Variants in RC3H1 observed in about 807,000 individuals in gnomAD.
RC3H1 encodes the protein ring finger and CCCH-type domains 1, also known as roquin-1.
RC3H1 carries 50 observed loss-of-function variants against 138.2 expected under a neutral mutation model. That is an observed-to-expected ratio of 0.36 (90% CI 0.29 to 0.46). The LOEUF is 0.46. Among genes scored for constraint, RC3H1 ranks in the 20% least tolerant of loss-of-function variants. RC3H1 has a pLI of 1.00. For missense variants in RC3H1, 1,031 were observed against 1,388.1 expected, an observed-to-expected ratio of 0.74 and a Z score of 4.09; for synonymous variants, 462 against 489.1, an observed-to-expected ratio of 0.94 and a Z score of 0.73.
intron 1 of RC3H1, among the ~76,000 whole-genome samples, chr1:174,020,555 C>A (rs571645656): frequency 2.0e-5 from 3 of 152,092 alleles, no homozygotes; most frequent in African/African-American, 7.2e-5. Flanking sequence ...AACCTATAAC[C>A]CTTAGGCCTT....
chr1:173,983,528 A>G lies in RC3H1; in HGVS notation c.482T>C (p.Leu161Ser). The change falls in exon 4 of 20, where the codon TTA becomes TCA. Residue 161 changes from leucine to serine, a missense_variant. Physicochemically the swap from Leu to Ser is moderately radical, Grantham distance 145. Coordinates refer to ENST00000367696, the MANE Select transcript of RC3H1 (RefSeq NM_172071.4). ...RIRAMRAARS[L>S]GERTVTELIL... ...GAGCTCTGTAACTGTTCGTTCACCT[A>G]AAGATCGAGCTGCCCTCATGGCACG... 6.2e-7 allele frequency: 1 copy of G among 1,614,212 alleles called. No individual in the cohort carries two copies. The highest frequency in any genetic ancestry group is 8.5e-7 in the Non-Finnish European group (1 of 1,180,036).
At position 173,961,208 on chromosome 1, in the gene RC3H1, G is replaced by C. The variant is rs866651470; in HGVS notation, c.2239C>G (p.Pro747Ala). 5 of 1,613,788 alleles carry C rather than the reference G, an allele frequency of 3.1e-6. No individual in the cohort carries two copies. The highest frequency in any genetic ancestry group is 3.3e-4 in the Middle Eastern group (2 of 6,054). ...TGTAGTTCATCTAGACTAGGATGAG[G>C]CTGGGGAGGAGGAGGAAGCCGGCTA... ...PYSRLPPPPQ[P>A]HPSLDELHRR... Residue 747 changes from proline (P) to alanine (A), a missense_variant, in exon 13 of 20, where the codon CCT becomes GCT. Coordinates refer to ENST00000367696, the MANE Select transcript of RC3H1 (RefSeq NM_172071.4).
chr1:173,954,879 T>C (rs907190562), intron 13 of RC3H1, among the ~76,000 whole-genome samples: 9 of 151,934 alleles, frequency 5.9e-5, no homozygotes, highest in African/African-American at 2.2e-4. Flanking sequence ...CTAGGATAGA[T>C]TGACAAAAGA....
intron 14 of RC3H1, among the ~76,000 whole-genome samples, chr1:173,951,287 T>C (rs991158599): frequency 6.6e-6 from 1 of 152,020 alleles, no homozygotes. Flanking sequence ...ATCGCGCCAT[T>C]GAACTCCAGC....
chr1:174,008,997 A>AAG (rs1557953045), intron 1 of RC3H1, among the ~76,000 whole-genome samples: 20 of 147,206 alleles, frequency 1.4e-4, no homozygotes, highest in South Asian at 4.2e-4. Flanking sequence ...AAAAAAAAAA[A>AAG]AGAGATGTTT....
chr1:173,998,647 A>G (rs1661506848), intron 1 of RC3H1, among the ~76,000 whole-genome samples: 1 of 152,224 alleles, frequency 6.6e-6, no homozygotes, highest in South Asian at 2.1e-4. Context: ...ATCACATCTG[A>G]CATTTCACTA....
At chr1:173,981,659 A>G (rs1178716261) in intron 5 of RC3H1, among the ~76,000 whole-genome samples, 1 of 152,206 alleles carries the variant, frequency 6.6e-6, no homozygotes, top group East Asian at 1.9e-4. Flanking sequence ...GTAGAGCTTC[A>G]GATGCTGGTG....
chr1:173,948,402 TC>T (rs1659227822), intron 14 of RC3H1, among the ~76,000 whole-genome samples: 1 of 135,502 alleles, frequency 7.4e-6, no homozygotes, highest in African/African-American at 3.7e-5. Flanking sequence ...GCCAATTCAA[TC>T]TTGAAGAAAT....
chr1:174,003,756 G>A (rs1234006379), intron 1 of RC3H1, among the ~76,000 whole-genome samples: 1 of 151,744 alleles, frequency 6.6e-6, no homozygotes, highest in Non-Finnish European at 1.5e-5. Context: ...CACCTCGCGG[G>A]TTTCACGCCA....
intron 15 of RC3H1, 24 bp from the exon 16 acceptor site, chr1:173,946,860 G>A (rs528861524): frequency 6.2e-6 from 9 of 1,446,088 alleles, no homozygotes; most frequent in African/African-American, 4.2e-5. Context: ...ATTTATTATG[G>A]TATAATTCAC....
Position 173,964,157 on chromosome 1 carries a change from G to A in RC3H1, c.1647C>T (p.Ala549=), listed in dbSNP as rs1190717816. The A allele has an allele frequency of 8.1e-6, 13 of 1,613,736 alleles. No individual in the cohort carries two copies. Among genetic ancestry groups the A allele is most frequent in the African/African-American group, 1.3e-5 (1 of 74,870 alleles). Residue 549 remains alanine, a synonymous_variant, in exon 11 of 20, where the codon GCC becomes GCT. Transcript: ENST00000367696. ...GTATAGAATGTGGATTCACAGGTAA[G>A]GCAGAAATACTCTTAGGAACAGATT... The part of the protein sequence containing the change: ...LLESVPKSIS[A]LPVNPHSIPP...
Position 173,952,058 on chromosome 1 carries a change from G to A in RC3H1, c.2451C>T (p.Thr817=), listed in dbSNP as rs780575600. The A allele has an allele frequency of 6.2e-7, 1 of 1,607,710 alleles. No individual in the cohort carries two copies. Among genetic ancestry groups the A allele is most frequent in the Admixed American group, 1.7e-5 (1 of 59,368 alleles). Reference sequence around the variant, plus strand: ...CTTTGGTTCCAATGTAGGAGCCGATGGTGTCACATGACCAGGGAGAGTATT... The same window carrying A: ...CTTTGGTTCCAATGTAGGAGCCGATAGTGTCACATGACCAGGGAGAGTATT... ...YSQYSPWSCD[T]IGSYIGTKDA... is the part of the protein sequence containing the mutation. Residue 817 remains threonine (T), a synonymous_variant, in exon 14 of 20, where the codon ACC becomes ACT. Transcript: ENST00000367696.
chr1:173,974,968 G>T (rs1660512454), intron 7 of RC3H1, among the ~76,000 whole-genome samples: 1 of 152,176 alleles, frequency 6.6e-6, no homozygotes, highest in African/African-American at 2.4e-5. Flanking sequence ...ATGAGAGAAA[G>T]AAGAGGTTTT....
chr1:173,969,013 C>T (rs903236683), intron 9 of RC3H1, among the ~76,000 whole-genome samples: 5 of 151,806 alleles, frequency 3.3e-5, no homozygotes, highest in Non-Finnish European at 7.4e-5. Context: ...CGCATGCCAC[C>T]ACACCCAGCT....
chr1:173,995,633 T>C (rs1661441957), intron 1 of RC3H1, among the ~76,000 whole-genome samples: 2 of 151,684 alleles, frequency 1.3e-5, no homozygotes, highest in African/African-American at 2.4e-5. Flanking sequence ...ATATGAAGAG[T>C]AGTGTAAAGC....
intron 1 of RC3H1, among the ~76,000 whole-genome samples, chr1:173,993,665 T>A (rs773116750): frequency 3.3e-5 from 5 of 151,408 alleles, no homozygotes; most frequent in Admixed American, 6.6e-5. Context: ...AGTGCTGGGA[T>A]TACAGGTGTG....
chr1:173,968,035 C>T (rs1398926920), intron 9 of RC3H1, among the ~76,000 whole-genome samples: 2 of 152,136 alleles, frequency 1.3e-5, no homozygotes, highest in African/African-American at 4.8e-5. Flanking sequence ...TTCCATCATT[C>T]ATTTGGTCAC....
chr1:174,019,502 A>G (rs1034240969), intron 1 of RC3H1, among the ~76,000 whole-genome samples: 8 of 152,190 alleles, frequency 5.3e-5, no homozygotes, highest in African/African-American at 1.9e-4. Flanking sequence ...AATGAGGACA[A>G]CAGAACTAAT....
At chr1:173,943,698 G>T in intron 17 of RC3H1, 83 bp from the exon 18 acceptor site, 1 of 1,334,450 alleles carries the variant, frequency 7.5e-7, no homozygotes, top group Non-Finnish European at 1.0e-6. Context: ...CCAGACCACA[G>T]CCTTGAGTAG....
Sources: allele counts gnomAD v4.1 joint callset (sites outside exome capture counted in the v4.1 genomes callset), GRCh38; gene constraint gnomAD v4.1.1; transcripts MANE v1.5; gene names NCBI Gene and HGNC (gene_info 2026-07-23, HGNC 2026-07-21).